Variants in KCNU1 observed in about 807,000 individuals in gnomAD.
KCNU1 encodes potassium calcium-activated channel subfamily U member 1, also known as potassium channel subfamily U member 1.
A neutral mutation model predicts 126.8 loss-of-function variants in KCNU1; 93 were observed. That is an observed-to-expected ratio of 0.73 (90% CI 0.62 to 0.87). The LOEUF is 0.87. Ranked by LOEUF, KCNU1 falls within the 40% of genes least tolerant of loss-of-function variation. KCNU1 has a pLI of 0.00. For synonymous variants in KCNU1, 523 were observed against 494.2 expected (o/e 1.06, Z -0.77); for missense variants, 1,330 against 1,367.1 (o/e 0.97, Z 0.43).
intron 24 of KCNU1, chr8:36,928,918 C>G: frequency 1.6e-6 from 1 of 642,936 alleles, no homozygotes; most frequent in African/African-American, 1.9e-5. Flanking sequence ...GATCTGGGAT[C>G]CCAGAAATCT....
chr8:36,823,451 G>A (rs1487373572), intron 10 of KCNU1, among the ~76,000 whole-genome samples: 4 of 151,952 alleles, frequency 2.6e-5, no homozygotes, highest in Non-Finnish European at 1.5e-5. Context: ...CACTTCTATT[G>A]TTTCGGTATT....
chr8:36,866,740 A>G (rs1805925256), intron 19 of KCNU1, among the ~76,000 whole-genome samples: 1 of 152,092 alleles, frequency 6.6e-6, no homozygotes, highest in Admixed American at 6.6e-5. Flanking sequence ...TAGATGGGTG[A>G]ACAAGATGGA....
At position 36,922,525 on chromosome 8, in the gene KCNU1, G is replaced by C; in HGVS notation, c.2632G>C (p.Gly878Arg). The change falls in exon 24 of 27, where the codon GGT becomes CGT. Residue 878 changes from glycine (G) to arginine (R), a missense_variant. Gly to Arg is a moderately radical substitution (Grantham distance 125, BLOSUM62 -2). Transcript: ENST00000399881. ...CAACATTCACTTTATTGAACAGCTT[G>C]GTGGACTGGAAGGGTCCCTCCAAGA... ...PSNIHFIEQLGGLEGSLQETN... is the reference protein window; with the variant it reads ...PSNIHFIEQLRGLEGSLQETN... 2 of 1,613,422 alleles carry C rather than the reference G, an allele frequency of 1.2e-6. No individual in the cohort carries two copies. Among genetic ancestry groups the C allele is most frequent in the Non-Finnish European group, 1.7e-6 (2 of 1,179,680 alleles).
intron 24 of KCNU1, among the ~76,000 whole-genome samples, chr8:36,923,458 G>GA (rs1389432691): frequency 6.6e-6 from 1 of 152,168 alleles, no homozygotes; most frequent in Non-Finnish European, 1.5e-5. Context: ...GCGATGTTGA[G>GA]AAGGCAGCAT....
chr8:36,815,769 G>A (rs966200294), intron 9 of KCNU1, 82 bp downstream of exon 9: 7 of 800,878 alleles, frequency 8.7e-6, no homozygotes, highest in South Asian at 1.7e-5. Context: ...CTATTGTCTG[G>A]CTTAGCTGTA....
intron 19 of KCNU1, among the ~76,000 whole-genome samples, chr8:36,876,450 G>T (rs541719760): frequency 6.6e-6 from 1 of 152,312 alleles, no homozygotes; most frequent in South Asian, 2.1e-4. Flanking sequence ...AAACATGTTT[G>T]TATAATTACA....
chr8:36,921,095 T>A (rs773009886), intron 23 of KCNU1, among the ~76,000 whole-genome samples: 10 of 152,110 alleles, frequency 6.6e-5, no homozygotes, highest in Non-Finnish European at 1.5e-4. Context: ...GTCTCATGGA[T>A]GCTGGCAGAA....
chr8:36,793,209 T>C (rs1309402862), intron 2 of KCNU1, among the ~76,000 whole-genome samples: 2 of 68,292 alleles, frequency 2.9e-5, no homozygotes, highest in East Asian at 4.4e-4. Flanking sequence ...TGTTGTGGGA[T>C]AGGGGGAGGG....
chr8:36,857,139 C>T (rs994453115), intron 18 of KCNU1, among the ~76,000 whole-genome samples: 2 of 152,208 alleles, frequency 1.3e-5, no homozygotes, highest in Non-Finnish European at 1.5e-5. Context: ...ATGAGTAGGA[C>T]ACTAGCACTG....
chr8:36,836,100 C>A (rs1156919351), intron 12 of KCNU1, among the ~76,000 whole-genome samples, 196 bp from the exon 13 acceptor site: 3 of 152,124 alleles, frequency 2.0e-5, no homozygotes, highest in Admixed American at 6.6e-5. Flanking sequence ...ATTTGGTTGG[C>A]AAAGTCATGA....
chr8:36,918,882 A>G lies in KCNU1; in HGVS notation c.2581A>G (p.Ile861Val), dbSNP rs757274652. ...GAAATCAAACTGCCGAAAAGTCCCT[A>G]TCCTTACTGAACTGAGTAAGTGGTG... ...NEKSNCRKVP[I>V]LTELKNPSNI... The change falls in exon 23 of 27, where the codon ATC becomes GTC. Residue 861 changes from isoleucine to valine, a missense_variant. Physicochemically the swap from Ile to Val is conservative, Grantham distance 29. This residue lies in a region of KCNU1 where 1,054 missense variants were observed against 1,053.9 expected (regional missense o/e 1.00). Transcript: ENST00000399881. 1 of 1,603,692 alleles carries G rather than the reference A, an allele frequency of 6.2e-7. No individual in the cohort carries two copies. Among genetic ancestry groups the G allele is most frequent in the South Asian group, 1.1e-5 (1 of 90,852 alleles).
At chr8:36,866,902 C>T (rs149112014) in intron 19 of KCNU1, among the ~76,000 whole-genome samples, 27 of 152,242 alleles carry the variant, frequency 1.8e-4, no homozygotes, top group African/African-American at 6.5e-4. Flanking sequence ...AAAGGGTTCA[C>T]CCGTGAGGTG....
chr8:36,867,596 C>CTT (rs1805957713), intron 19 of KCNU1, among the ~76,000 whole-genome samples: 1 of 152,058 alleles, frequency 6.6e-6, no homozygotes, highest in South Asian at 2.1e-4. Flanking sequence ...CATGTTTGTG[C>CTT]TTTTGTTTAT....
intron 24 of KCNU1, among the ~76,000 whole-genome samples, chr8:36,928,642 A>G (rs1182573036): frequency 1.3e-5 from 2 of 152,286 alleles, no homozygotes; most frequent in East Asian, 1.9e-4. Flanking sequence ...ACTTATCCCA[A>G]TCACGCCTAC....
intron 19 of KCNU1, among the ~76,000 whole-genome samples, chr8:36,882,920 A>C (rs1243704994): frequency 1.3e-5 from 2 of 152,182 alleles, no homozygotes; most frequent in Non-Finnish European, 2.9e-5. Flanking sequence ...GCATCATTCT[A>C]TAAAATATGC....
chr8:36,823,254 CA>C (rs1405626765), intron 10 of KCNU1, among the ~76,000 whole-genome samples: 3 of 152,258 alleles, frequency 2.0e-5, no homozygotes, highest in Non-Finnish European at 4.4e-5. Flanking sequence ...AAATACTTAC[CA>C]TGAAGTATTT....
Position 36,935,743 on chromosome 8 carries a change from T to C in KCNU1, c.3273T>C (p.Ser1091=). 1.9e-6 allele frequency: 3 copies of C among 1,613,432 alleles called. No homozygotes were observed. Among genetic ancestry groups the C allele is most frequent in the Non-Finnish European group, 1.7e-6 (2 of 1,179,554 alleles). ...VTETLYSPVY[S]YQPRTNSLSF... ...AGACATTGTATTCACCAGTCTATTC[T>C]TACCAGCCGAGAACTAACTCCCTCT... The change falls in exon 27 of 27, where the codon TCT becomes TCC. Residue 1091 remains serine, a synonymous_variant. Coordinates refer to ENST00000399881, the MANE Select transcript of KCNU1 (RefSeq NM_001031836.3).
chr8:36,804,663 T>A (rs1397329191), intron 3 of KCNU1, among the ~76,000 whole-genome samples: 2 of 152,298 alleles, frequency 1.3e-5, no homozygotes, highest in Admixed American at 6.5e-5. Context: ...GGAATTATAT[T>A]GGATTTCTAG....
chr8:36,820,672 G>A (rs1585414417), intron 10 of KCNU1, among the ~76,000 whole-genome samples: 1 of 151,518 alleles, frequency 6.6e-6, no homozygotes, highest in South Asian at 2.1e-4. Flanking sequence ...AATACAGAAG[G>A]CCAAGAACAA....
Sources: gnomAD v4.1 joint callset for allele counts (sites outside exome capture counted in the v4.1 genomes callset) on GRCh38, gnomAD v4.1.1 for gene constraint, gnomAD v4.1.1 regional missense constraint, MANE v1.5 for transcripts, NCBI Gene and HGNC (gene_info 2026-07-23, HGNC 2026-07-21) for gene names.